KEL: variants seen among roughly 807,000 people sequenced by gnomAD.
The protein encoded by KEL is Kell metallo-endopeptidase (Kell blood group).
A neutral mutation model predicts 99.5 loss-of-function variants in KEL; 96 were observed. The ratio of observed to expected loss-of-function variants is 0.97; its 90% CI spans 0.82 to 1.14. The LOEUF is 1.14. Ranked by LOEUF, KEL falls within the 50% of genes most tolerant of loss-of-function variation. The pLI is 0.00. For missense variants in KEL, 926 were observed against 924.2 expected, an observed-to-expected ratio of 1.00 and a Z score of -0.03; for synonymous variants, 355 against 354.8, an observed-to-expected ratio of 1.00 and a Z score of -0.01.
At chr7:142,950,268 T>C (rs1044999601) in intron 10 of KEL, among the ~76,000 whole-genome samples, 1 of 152,230 alleles carries the variant, frequency 6.6e-6, no homozygotes, top group Admixed American at 6.5e-5. Flanking sequence ...CCAGACCTTG[T>C]ATGGTTCTCT....
Position 142,962,296 on chromosome 7 carries a change from C to T in KEL, c.-90G>A. 1.4e-6 allele frequency: 2 copies of T among 1,456,308 alleles called. No individual in the cohort carries two copies. The highest frequency in any genetic ancestry group is 2.3e-5 in the South Asian group (2 of 87,938). 90.2% of individuals were successfully genotyped at this position (1,456,308 alleles called of 1,614,324 possible). On this transcript the variant is annotated 5_prime_UTR_variant, in exon 1 of 19. Transcript: ENST00000355265. ...GGGGTCCAGGAAACACCCCCCGCCC[C>T]AGTTCCTTGATCCTGGAGAAGGGGC...
chr7:142,954,087 A>G, intron 8 of KEL, 97 bp downstream of exon 8: 3 of 1,429,896 alleles, frequency 2.1e-6, no homozygotes, highest in Non-Finnish European at 1.9e-6. Flanking sequence ...GACAGAATGA[A>G]AAGGTATTAA....
chr7:142,953,311 C>T (rs1161440425), intron 9 of KEL: 5 of 969,270 alleles, frequency 5.2e-6, no homozygotes, highest in Non-Finnish European at 4.9e-6. Flanking sequence ...CATAAGAGCT[C>T]CAGCATCTTC....
At chr7:142,950,798 C>T (rs1001151112) in intron 10 of KEL, among the ~76,000 whole-genome samples, 1 of 152,184 alleles carries the variant, frequency 6.6e-6, no homozygotes, top group African/African-American at 2.4e-5. Context: ...TTTGTAGCAC[C>T]TACTTGTTTC....
In KEL at chr7:142,943,348, G is replaced by T; in HGVS notation, c.1704-5C>A. The T allele has an allele frequency of 6.2e-7, 1 of 1,614,074 alleles. No individual in the cohort carries two copies. Among genetic ancestry groups the T allele is most frequent in the South Asian group, 1.1e-5 (1 of 91,036 alleles). ...GCAGCGCCAAAGTTCACGGCTCTAG[G>T]GAGACAAGGGCTTATTTGACCCCCA... On this transcript the variant is annotated splice_polypyrimidine_tract_variant and splice_region_variant and intron_variant, in intron 15 of 18. Transcript: ENST00000355265.
intron 12 of KEL, 70 bp from the exon 13 acceptor site, chr7:142,944,470 G>T: frequency 7.4e-7 from 1 of 1,349,006 alleles, no homozygotes; most frequent in Non-Finnish European, 1.1e-6. Flanking sequence ...CCCACTCGTT[G>T]CCCTGTCCCA....
rs923741387 is a variant in KEL at position 142,943,119 on chromosome 7, G to A, written c.1772-75C>T. The A allele has an allele frequency of 5.7e-6, 9 of 1,575,832 alleles. No individual in the cohort carries two copies. In the Admixed American group the frequency reaches 6.7e-5, roughly 12 times the overall value. On this transcript the variant is annotated intron_variant, in intron 16 of 18. Coordinates refer to ENST00000355265, the MANE Select transcript of KEL (RefSeq NM_000420.3). ...TGCTGCCTAGGTGAGGATGTGGGTG[G>A]TACCACAGACTGAATCAGCTCCCAG...
intron 4 of KEL, among the ~76,000 whole-genome samples, chr7:142,960,345 C>T (rs915615904): frequency 6.6e-6 from 1 of 152,068 alleles, no homozygotes; most frequent in African/African-American, 2.4e-5. Flanking sequence ...TTCAAGGTTT[C>T]AATGGAGAAG....
At chr7:142,950,982 A>C (rs1586259851) in intron 10 of KEL, among the ~76,000 whole-genome samples, 1 of 152,322 alleles carries the variant, frequency 6.6e-6, no homozygotes, top group East Asian at 1.9e-4. Flanking sequence ...TTTCTGGAAG[A>C]TTTAAATGAA....
chr7:142,951,983 A>G (rs1311845603), intron 10 of KEL, among the ~76,000 whole-genome samples: 1 of 151,950 alleles, frequency 6.6e-6, no homozygotes, highest in African/African-American at 2.4e-5. Context: ...AGTGAAGTGC[A>G]TTTTCTACCC....
chr7:142,958,215 A>C, intron 5 of KEL, 89 bp downstream of exon 5: 1 of 1,592,702 alleles, frequency 6.3e-7, no homozygotes, highest in Non-Finnish European at 8.6e-7. Flanking sequence ...AAGAAGACCC[A>C]CCCTCTAGAA....
intron 11 of KEL, 30 bp downstream of exon 11, chr7:142,946,177 G>A (rs1796519542): frequency 6.8e-7 from 1 of 1,465,430 alleles, no homozygotes; most frequent in Admixed American, 1.7e-5. Context: ...AGGGGTGGAG[G>A]GATGTGGGCT....
At chr7:142,941,473 A>T (rs1586243557) in intron 18 of KEL, 60 bp from the exon 19 acceptor site, 1 of 1,482,752 alleles carries the variant, frequency 6.7e-7, no homozygotes, top group East Asian at 2.3e-5. Context: ...TGACCCGGTG[A>T]CAAGGGGTGA....
Position 142,946,300 on chromosome 7 carries a change from C to G in KEL, c.1221G>C (p.Trp407Cys), listed in dbSNP as rs1356657701. ...TGCCTGTCTCCTCCACGCACTTCAT[C>G]CATCGTGGGCGGGCAGGCTATGGAG... The part of the protein sequence containing the change: ...EQPPMPARPR[W>C]MKCVEETGTF... The change falls in exon 11 of 19, where the codon TGG becomes TGC. Residue 407 changes from tryptophan (W) to cysteine (C), a missense_variant. Transcript: ENST00000355265. 6.2e-7 allele frequency: 1 copy of G among 1,613,760 alleles called. No homozygotes were observed. Among genetic ancestry groups the G allele is most frequent in the Admixed American group, 1.7e-5 (1 of 59,990 alleles).
chr7:142,945,786 G>A (rs1023765732), intron 11 of KEL, among the ~76,000 whole-genome samples: 2 of 152,080 alleles, frequency 1.3e-5, no homozygotes, highest in African/African-American at 2.4e-5. Flanking sequence ...GCACCACCAC[G>A]CCCAGCTAAT....
chr7:142,951,720 T>A (rs1796690465), intron 10 of KEL, among the ~76,000 whole-genome samples: 1 of 152,264 alleles, frequency 6.6e-6, no homozygotes, highest in South Asian at 2.1e-4. Flanking sequence ...GTGAATACAT[T>A]TATCTTCTCT....
intron 9 of KEL, 49 bp from the exon 10 acceptor site, chr7:142,952,687 G>A (rs1161378325): frequency 1.9e-6 from 3 of 1,607,342 alleles, no homozygotes; most frequent in African/African-American, 1.3e-5. Context: ...ATCTGGGGAT[G>A]CTTCAAGAAG....
Position 142,958,407 on chromosome 7 carries a change from G to C in KEL, c.422C>G (p.Pro141Arg), listed in dbSNP as rs1190623806. 1.2e-6 allele frequency: 2 copies of C among 1,613,958 alleles called. No individual in the cohort carries two copies. ...RILEVQNSWH[P>R]GSGEEKAFQF... is the part of the protein sequence containing the mutation. Reference sequence around the variant, plus strand: ...GAAGGCTTTCTCCTCCCCAGAGCCTGGGTGCCAGGAATTCTGGACCTCTAG... The same window carrying C: ...GAAGGCTTTCTCCTCCCCAGAGCCTCGGTGCCAGGAATTCTGGACCTCTAG... Residue 141 changes from proline (P) to arginine (R), a missense_variant, in exon 5 of 19, where the codon CCA becomes CGA. By Grantham distance (103) the Pro-to-Arg change is moderately radical (BLOSUM62 -2). Coordinates refer to ENST00000355265, the MANE Select transcript of KEL (RefSeq NM_000420.3).
intron 11 of KEL, chr7:142,944,999 A>C (rs940811990): frequency 3.4e-5 from 19 of 564,792 alleles, no homozygotes; most frequent in Non-Finnish European, 5.7e-5. Context: ...TTCCATGGGG[A>C]AATAGCCTGA....
Sources: allele counts gnomAD v4.1 joint callset (sites outside exome capture counted in the v4.1 genomes callset), GRCh38; gene constraint gnomAD v4.1.1; transcripts MANE v1.5; gene names NCBI Gene and HGNC (gene_info 2026-07-23, HGNC 2026-07-21).